FRMD8: variants seen among roughly 807,000 people sequenced by gnomAD.
The protein encoded by FRMD8 is FERM domain containing 8.
A neutral mutation model predicts 54.2 loss-of-function variants in FRMD8; 37 were observed. The ratio of observed to expected loss-of-function variants is 0.68; its 90% CI spans 0.53 to 0.90. FRMD8 has a LOEUF of 0.90. Among genes scored for constraint, FRMD8 ranks in the 40% least tolerant of loss-of-function variants. The probability of loss-of-function intolerance (pLI) is 0.00; values close to 1 mark genes in which losing one functional copy is unlikely to be tolerated. For missense variants in FRMD8, 585 were observed against 653.7 expected (o/e 0.89, Z 1.15); for synonymous variants, 246 against 286.9 (o/e 0.86, Z 1.44).
intron 10 of FRMD8, among the ~76,000 whole-genome samples, chr11:65,406,848 G>A (rs1054038894): frequency 6.2e-4 from 94 of 152,066 alleles, no homozygotes; most frequent in African/African-American, 2.2e-3. Context: ...CTGAAAGCAG[G>A]AGAATCGCTT....
the FRMD8 span, chr11:65,379,851 G>A: frequency 6.2e-7 from 1 of 1,614,096 alleles, no homozygotes; most frequent in South Asian, 1.1e-5. Context: ...GGACCCCAAA[G>A]GAGTGGGCCA....
Position 65,396,926 on chromosome 11 carries a change from G to C in FRMD8, c.709G>C (p.Val237Leu), listed in dbSNP as rs1321142675. 3.9e-6 allele frequency: 6 copies of C among 1,551,384 alleles called. No individual in the cohort carries two copies. In the East Asian group the frequency reaches 1.2e-4, roughly 32 times the overall value. Residue 237 changes from valine (V) to leucine (L), a missense_variant, in exon 7 of 11, where the codon GTG becomes CTG. Transcript: ENST00000317568. ...EQGLLNAYRQ[V>L]QEVSSDGGCE... is the part of the protein sequence containing the mutation. ...GGGCCTGCTGAACGCCTACCGCCAGGTGCAGGAGGTCAGCAGCGACGGCGG... is the reference window on the plus strand; with the variant it reads ...GGGCCTGCTGAACGCCTACCGCCAGCTGCAGGAGGTCAGCAGCGACGGCGG...
chr11:65,372,352 C>A, the FRMD8 span, among the ~76,000 whole-genome samples: 1 of 152,110 alleles, frequency 6.6e-6, no homozygotes, highest in East Asian at 1.9e-4. Flanking sequence ...CATACTAAAC[C>A]CTAAACTCAC....
Position 65,404,742 on chromosome 11 carries a change from C to T in FRMD8, c.1072-122C>T, listed in dbSNP as rs931524726. The T allele has an allele frequency of 5.1e-6, 4 of 787,684 alleles. No homozygotes were observed. The African/African-American group carries it at 6.8e-5, about 13-fold the overall frequency. The allele number at this position is 787,684 out of a possible 1,614,324, so 48.8% of individuals were successfully genotyped here. A position where few individuals can be genotyped will look rare whatever the true frequency, so the allele number is the denominator to read the frequency against. ...CCTCCCCTGCCTCCCTGCTCCCTCCCTCCTGAGTGATGTGTGTCCCCTCCC... is the reference window on the plus strand; with the variant it reads ...CCTCCCCTGCCTCCCTGCTCCCTCCTTCCTGAGTGATGTGTGTCCCCTCCC... On this transcript the variant is annotated intron_variant, in intron 9 of 10. Transcript: ENST00000317568. The surrounding 1 kb of genome is among the most constrained non-coding windows in gnomAD (Gnocchi z 4.7).
chr11:65,386,800 C>G, intron 1 of FRMD8, 39 bp downstream of exon 1: 1 of 547,990 alleles, frequency 1.8e-6, no homozygotes, highest in East Asian at 3.2e-5. Flanking sequence ...CCTCCGTCCC[C>G]GGCTGGGCGT....
Position 65,411,663 on chromosome 11 carries a change from A to C in FRMD8, c.*303A>C. 38 of 260,080 alleles carry C rather than the reference A, an allele frequency of 1.5e-4. No individual in the cohort carries two copies. The highest frequency in any genetic ancestry group is 1.7e-4 in the Non-Finnish European group (23 of 136,004). The allele number at this position is 260,080 out of a possible 1,614,324, so 16.1% of individuals were successfully genotyped here. A position where few individuals can be genotyped will look rare whatever the true frequency, so the allele number is the denominator to read the frequency against. The stretch of plus-strand genomic sequence containing the variant: ...GCAGCTGCCACCCTCACCTAGAAAC[A>C]TGCCTTTGTGCCCACCTCAAGATGG... On this transcript the variant is annotated 3_prime_UTR_variant, in exon 11 of 11. Coordinates refer to ENST00000317568, the MANE Select transcript of FRMD8 (RefSeq NM_031904.5).
rs543937080 is a variant in FRMD8, at chr11:65,395,548, A to G, written c.581+1123A>G. Among the ~76,000 whole-genome samples the G allele has an allele frequency of 2.0e-5, 3 of 152,278 alleles. No homozygotes were observed. The South Asian group carries it at 6.2e-4, about 32-fold the overall frequency. On this transcript the variant is annotated intron_variant, in intron 6 of 10. Transcript: ENST00000317568. ...GAGCGAAACTCCGTCTCAAAAAAGAAAAAAAAGGACTGAGCGCTCCAACTG... is the reference window on the plus strand; with the variant it reads ...GAGCGAAACTCCGTCTCAAAAAAGAGAAAAAAGGACTGAGCGCTCCAACTG...
the FRMD8 span, among the ~76,000 whole-genome samples, chr11:65,368,320 C>T: frequency 6.6e-6 from 1 of 152,002 alleles, no homozygotes. Flanking sequence ...AGGTGATCCG[C>T]CCACCTCGGC....
upstream of FRMD8, chr11:65,382,413 CA>C (rs1331402140): frequency 5.1e-6 from 1 of 194,176 alleles, no homozygotes; most frequent in South Asian, 8.7e-5. The surrounding 1 kb of genome is among the most constrained non-coding windows in gnomAD (Gnocchi z 4.4). Flanking sequence ...GCGTGGCCAC[CA>C]GGGGGTAGGC....
rs1468435147 is a variant in FRMD8, at chr11:65,399,746, T to G, written c.814T>G (p.Phe272Val). 6.2e-7 allele frequency: 1 copy of G among 1,613,940 alleles called. No individual in the cohort carries two copies. The highest frequency in any genetic ancestry group is 1.1e-5 in the South Asian group (1 of 91,052). Residue 272 changes from phenylalanine to valine, a missense_variant, in exon 8 of 11, where the codon TTC (phenylalanine) becomes GTC (valine). Phe to Val is a conservative substitution (Grantham distance 50, BLOSUM62 -1). Transcript: ENST00000317568. ...HELPFYGCAF[F>V]HGEVDKPAQG... Reference sequence around the variant, plus strand: ...CAGTCCCCTCCCCAGGTGTGCCTTCTTCCACGGTGAGGTTGACAAGCCGGC... The same window carrying G: ...CAGTCCCCTCCCCAGGTGTGCCTTCGTCCACGGTGAGGTTGACAAGCCGGC...
At chr11:65,408,034 G>A (rs1300018594) in intron 10 of FRMD8, among the ~76,000 whole-genome samples, 3 of 151,448 alleles carry the variant, frequency 2.0e-5, no homozygotes, top group African/African-American at 7.3e-5. Context: ...CAATGAACAT[G>A]TCATTTTTAT....
At chr11:65,372,657 G>A in the FRMD8 span, among the ~76,000 whole-genome samples, 1 of 152,176 alleles carries the variant, frequency 6.6e-6, no homozygotes, top group East Asian at 1.9e-4. Context: ...TAGGCAAAGG[G>A]AAAAGGAGAA....
Position 65,400,547 on chromosome 11 carries a change from C to T in FRMD8, c.928-177C>T, listed in dbSNP as rs1218002074. The stretch of plus-strand genomic sequence containing the variant: ...AGAGGGGATCTCAGCTTCCCTGGAC[C>T]ACAGCCCCTGGCAGGCTCTGATGAA... On this transcript the variant is annotated intron_variant, in intron 8 of 10. Transcript: ENST00000317568. The surrounding 1 kb of genome is among the most constrained non-coding windows in gnomAD (Gnocchi z 4.3). 1.3e-5 allele frequency among the ~76,000 whole-genome samples: 2 copies of T among 152,190 alleles called. No homozygotes were observed. The highest frequency in any genetic ancestry group is 4.8e-5 in the African/African-American group (2 of 41,442).
the FRMD8 span, chr11:65,376,910 G>A: frequency 3.7e-6 from 6 of 1,613,402 alleles, no homozygotes; most frequent in South Asian, 5.5e-5. Flanking sequence ...CAGCGTCAGG[G>A]CCCAGGCTCC....
At chr11:65,382,217 G>A (rs1301809099), upstream of FRMD8, 4 of 541,684 alleles carry the variant, frequency 7.4e-6, no homozygotes, top group Non-Finnish European at 6.7e-6. This position sits in a 1 kb window ranked among gnomAD's most constrained non-coding sequence, Gnocchi z 4.4. Flanking sequence ...CCCCGAGCCC[G>A]GCCAATGATC....
In FRMD8 at chr11:65,400,997, C is replaced by A; in HGVS notation, c.1071+130C>A. 1 of 1,084,706 alleles carries A rather than the reference C, an allele frequency of 9.2e-7. No individual in the cohort carries two copies. The highest frequency in any genetic ancestry group is 1.3e-6 in the Non-Finnish European group (1 of 777,162). 67.2% of individuals were successfully genotyped at this position (1,084,706 alleles called of 1,614,324 possible). On this transcript the variant is annotated intron_variant, in intron 9 of 10. Coordinates refer to ENST00000317568, the MANE Select transcript of FRMD8 (RefSeq NM_031904.5). The surrounding 1 kb of genome is among the most constrained non-coding windows in gnomAD (Gnocchi z 4.3). ...GCCTTGGGCCTGAGGATGAAAGCGG[C>A]CTGGGCACAAGGGGTGCCTTGAGTC...
chr11:65,388,693 GCTGTTCTTCCCTAGC>G (rs1450929865), intron 2 of FRMD8, among the ~76,000 whole-genome samples: 1 of 152,158 alleles, frequency 6.6e-6, no homozygotes, highest in East Asian at 1.9e-4. Flanking sequence ...AGCTATTTGG[GCTGTTCTTCCCTAGC>G]CTGCTTCGTA....
Position 65,404,790 on chromosome 11 carries a change from G to A in FRMD8, c.1072-74G>A. ...CCCCTGCTTCCCCAACCAGAGAGCA[G>A]AGCTCATTTCAGGCTCAGCAACAGG... On this transcript the variant is annotated intron_variant, in intron 9 of 10. Coordinates refer to ENST00000317568, the MANE Select transcript of FRMD8 (RefSeq NM_031904.5). This position sits in a 1 kb window ranked among gnomAD's most constrained non-coding sequence, Gnocchi z 4.7. 2 of 1,293,146 alleles carry A rather than the reference G, an allele frequency of 1.5e-6. No homozygotes were observed. The highest frequency in any genetic ancestry group is 2.2e-6 in the Non-Finnish European group (2 of 908,986). 80.1% of individuals were successfully genotyped at this position (1,293,146 alleles called of 1,614,324 possible).
At chr11:65,407,628 C>T (rs1283487950) in intron 10 of FRMD8, among the ~76,000 whole-genome samples, 13 of 151,642 alleles carry the variant, frequency 8.6e-5, no homozygotes, top group Admixed American at 4.6e-4. Context: ...TGGTGGCTCA[C>T]GCCTGTAATC....
Sources: allele counts gnomAD v4.1 joint callset (sites outside exome capture counted in the v4.1 genomes callset), GRCh38; gene constraint gnomAD v4.1.1; non-coding constraint Gnocchi (gnomAD v3.1); transcripts MANE v1.5; gene names NCBI Gene and HGNC (gene_info 2026-07-23, HGNC 2026-07-21).